The following STT3B variants were observed in gnomAD, a reference collection of about 807,000 sequenced individuals.
STT3B encodes dolichyl-diphosphooligosaccharide--protein glycosyltransferase subunit STT3B.
STT3B carries 29 observed loss-of-function variants against 96.8 expected under a neutral mutation model. The observed-to-expected ratio is 0.30, with a 90% CI of 0.22 to 0.41. The LOEUF is 0.41. STT3B is among the 10% of genes least tolerant of loss of function. The pLI, the probability that STT3B is intolerant of heterozygous loss-of-function variation, is 1.00. For synonymous variants in STT3B, 367 were observed against 360.0 expected (o/e 1.02, Z -0.22); for missense variants, 640 against 1,022.3 (o/e 0.63, Z 5.10).
chr3:31,635,985 C>T lies in STT3B; in HGVS notation c.2402C>T (p.Thr801Ile), dbSNP rs770622300. ...ACTATGTGTTTTGTTTTTTTATAGA[C>T]TACCAAAAGGAAGCGTGGCTACATT... ...FPKQKYLSKK[T>I]TKRKRGYIKN... is the part of the protein sequence containing the mutation. The change falls in exon 16 of 16, where the codon ACT (threonine) becomes ATT (isoleucine). Residue 801 changes from threonine to isoleucine, a missense_variant and splice_region_variant. Thr to Ile is a moderately conservative substitution (Grantham distance 89). Around this residue, in one of 8 missense-constraint regions of STT3B, gnomAD observed 51 missense variants for 64.2 expected, o/e 0.79. Transcript: ENST00000295770. 6.2e-7 allele frequency: 1 copy of T among 1,600,650 alleles called. No homozygotes were observed. The highest frequency in any genetic ancestry group is 8.5e-7 in the Non-Finnish European group (1 of 1,174,392).
chr3:31,572,074 T>C (rs1289283235), intron 1 of STT3B, among the ~76,000 whole-genome samples: 1 of 141,060 alleles, frequency 7.1e-6, no homozygotes, highest in Admixed American at 7.4e-5. Flanking sequence ...ATATTAAATA[T>C]ATTAATATAT....
At chr3:31,617,160 C>A in intron 7 of STT3B, 85 bp downstream of exon 7, 2 of 1,051,592 alleles carry the variant, frequency 1.9e-6, no homozygotes, top group Non-Finnish European at 2.6e-6. Flanking sequence ...ATCTGAATAA[C>A]AGCATGACTA....
At chr3:31,602,058 AGACTGCAGTGTGCTGT>A (rs1212149934) in intron 5 of STT3B, among the ~76,000 whole-genome samples, 30 of 152,260 alleles carry the variant, frequency 2.0e-4, no homozygotes, top group Non-Finnish European at 5.9e-5. Flanking sequence ...CAGGAGTTCA[AGACTGCAGTGTGCTGT>A]GATCTTGCCA....
At position 31,636,062 on chromosome 3, in the gene STT3B, T is replaced by C. The variant is rs1699749474; in HGVS notation, c.2479T>C (p.Ter827GlnextTer7). 4 of 1,604,692 alleles carry C rather than the reference T, an allele frequency of 2.5e-6. No homozygotes were observed. The highest frequency in any genetic ancestry group is 3.4e-6 in the Non-Finnish European group (4 of 1,175,150). Residue 827 changes from the stop codon to glutamine, a stop_lost, in exon 16 of 16, where the codon TAA becomes CAA. Coordinates refer to ENST00000295770, the MANE Select transcript of STT3B (RefSeq NM_178862.3). ...CAAGAAAATATCTAAGAAGACTGTTTAAATGCACTGTTCTGGTTCCTAACT... is the reference window on the plus strand; with the variant it reads ...CAAGAAAATATCTAAGAAGACTGTTCAAATGCACTGTTCTGGTTCCTAACT... ...KGKKISKKTV[*>Q]
intron 5 of STT3B, among the ~76,000 whole-genome samples, chr3:31,607,975 C>G (rs1165702919): frequency 6.6e-6 from 1 of 152,050 alleles, no homozygotes; most frequent in Non-Finnish European, 1.5e-5. Flanking sequence ...CAGTGGTATT[C>G]AGTATGTAAT....
rs191107830 is a variant in STT3B, at chr3:31,564,090, A to G, written c.315-12306A>G. On this transcript the variant is annotated intron_variant, in intron 1 of 15. Transcript: ENST00000295770. ...GGAGTATTCCCTGAATGAAAATTTA[A>G]TTAAACCAGTTACACTATTTTAGTG... Among the ~76,000 whole-genome samples, 355 of 152,314 alleles carry G rather than the reference A, an allele frequency of 2.3e-3. 2 individuals carry two copies. The highest frequency in any genetic ancestry group is 8.1e-3 in the African/African-American group (336 of 41,550).
intron 14 of STT3B, among the ~76,000 whole-genome samples, chr3:31,632,648 T>G (rs1699687610): frequency 7.0e-6 from 1 of 142,584 alleles, no homozygotes; most frequent in African/African-American, 2.5e-5. Context: ...TTTGATAGAT[T>G]TCATTTCTAT....
At chr3:31,604,718 AC>A (rs1699010115) in intron 5 of STT3B, among the ~76,000 whole-genome samples, 1 of 152,226 alleles carries the variant, frequency 6.6e-6, no homozygotes, top group Non-Finnish European at 1.5e-5. Context: ...TTGGACTTTA[AC>A]CATGTTCTTT....
chr3:31,610,481 TGCAA>T (rs1392318789), intron 5 of STT3B, among the ~76,000 whole-genome samples: 2 of 33,696 alleles, frequency 5.9e-5, no homozygotes, highest in African/African-American at 9.2e-5. Flanking sequence ...CAATGTAAGC[TGCAA>T]TGCCTTATCA....
intron 12 of STT3B, 42 bp downstream of exon 12, chr3:31,625,127 C>T (rs1294539413): frequency 1.9e-6 from 3 of 1,562,590 alleles, no homozygotes; most frequent in Admixed American, 1.8e-5. Flanking sequence ...TCTTTATTCA[C>T]TCCTTAGCAA....
intron 2 of STT3B, 95 bp downstream of exon 2, chr3:31,576,599 T>G (rs1375733700): frequency 2.8e-6 from 2 of 707,860 alleles, no homozygotes; most frequent in Admixed American, 7.1e-5. Flanking sequence ...CTTGAAAGCT[T>G]TGTATAGTTA....
At chr3:31,631,920 A>G (rs545071271) in intron 14 of STT3B, among the ~76,000 whole-genome samples, 1 of 152,012 alleles carries the variant, frequency 6.6e-6, no homozygotes, top group East Asian at 1.9e-4. Context: ...CAGTGGTGCA[A>G]TCATGGTTCA....
intron 5 of STT3B, among the ~76,000 whole-genome samples, chr3:31,614,518 A>G (rs1026459299): frequency 3.9e-5 from 6 of 151,984 alleles, no homozygotes; most frequent in African/African-American, 1.4e-4. Flanking sequence ...TAGATGCTAA[A>G]TTCAGTAGCT....
rs1360607202 is a variant in STT3B, at chr3:31,610,533, A to G, written c.878-4572A>G. Among the ~76,000 whole-genome samples, 6 of 152,216 alleles carry G rather than the reference A, an allele frequency of 3.9e-5. No individual in the cohort carries two copies. The East Asian group carries it at 5.8e-4, about 15-fold the overall frequency. ...TTAAAGATTGCTTTGGGGAACAGCA[A>G]ACTTCTTCAATACTTAAAATTTCAT... On this transcript the variant is annotated intron_variant, in intron 5 of 15. Transcript: ENST00000295770.
At chr3:31,624,773 T>TC in intron 11 of STT3B, 141 bp from the exon 12 acceptor site, 1 of 586,774 alleles carries the variant, frequency 1.7e-6, no homozygotes, top group Non-Finnish European at 2.9e-6. Context: ...ACTTTTTTTT[T>TC]TCTCATTGGT....
chr3:31,605,260 A>G (rs1391161054), intron 5 of STT3B, among the ~76,000 whole-genome samples: 3 of 152,176 alleles, frequency 2.0e-5, no homozygotes, highest in Admixed American at 1.3e-4. Context: ...TGTGAGAAAC[A>G]TAATGGAGAA....
intron 13 of STT3B, among the ~76,000 whole-genome samples, chr3:31,627,219 G>A (rs1246523737): frequency 6.6e-6 from 1 of 152,186 alleles, no homozygotes; most frequent in Non-Finnish European, 1.5e-5. Flanking sequence ...ATTGCCGCCT[G>A]AGCTCCGCCT....
At chr3:31,591,179 T>C (rs1418846676) in intron 3 of STT3B, among the ~76,000 whole-genome samples, 1 of 152,088 alleles carries the variant, frequency 6.6e-6, no homozygotes, top group African/African-American at 2.4e-5. Context: ...ACTTAAAATT[T>C]TTACATTTTC....
chr3:31,596,988 C>G (rs1387564960), intron 4 of STT3B, 125 bp downstream of exon 4: 3 of 705,140 alleles, frequency 4.3e-6, no homozygotes, highest in Admixed American at 5.6e-5. Context: ...CTACCATCCT[C>G]TTTCCTTCTC....
Sources: gnomAD v4.1 joint callset for allele counts (sites outside exome capture counted in the v4.1 genomes callset) on GRCh38, gnomAD v4.1.1 for gene constraint, gnomAD v4.1.1 regional missense constraint, MANE v1.5 for transcripts, NCBI Gene and HGNC (gene_info 2026-07-23, HGNC 2026-07-21) for gene names.